RBFOX1: variants seen among roughly 807,000 people sequenced by gnomAD.
RBFOX1 encodes RNA binding fox-1 homolog 1.
In RBFOX1, 8 loss-of-function variants were observed where a neutral mutation model predicts 57.7. The ratio of observed to expected loss-of-function variants is 0.14; its 90% CI spans 0.08 to 0.25. The LOEUF (loss-of-function observed/expected upper bound fraction) is 0.25. RBFOX1 is among the 10% of genes least tolerant of loss of function. The pLI, the probability that RBFOX1 is intolerant of heterozygous loss-of-function variation, is 1.00. For missense variants in RBFOX1, 611 were observed against 548.5 expected, an observed-to-expected ratio of 1.11 and a Z score of -1.14; for synonymous variants, 326 against 222.4, an observed-to-expected ratio of 1.47 and a Z score of -4.15.
intron 1 of RBFOX1, among the ~76,000 whole-genome samples, chr16:6,080,490 G>A (rs576937942): frequency 5.9e-5 from 9 of 152,294 alleles, no homozygotes; most frequent in Non-Finnish European, 8.8e-5. Flanking sequence ...TCCTCAGGGA[G>A]CCTCAAGTCT....
Position 7,325,728 on chromosome 16 carries a change from T to C in RBFOX1, c.28-192419T>C, listed in dbSNP as rs543119386. Among the ~76,000 whole-genome samples the C allele has an allele frequency of 2.6e-5, 4 of 152,358 alleles. No individual in the cohort carries two copies. The South Asian group carries it at 8.3e-4, about 32-fold the overall frequency. ...TGGAAGCTTTTCCTATATTCCCATCTTGATAATTTGATGCGGTTGTGACTT... is the reference window on the plus strand; with the variant it reads ...TGGAAGCTTTTCCTATATTCCCATCCTGATAATTTGATGCGGTTGTGACTT... On this transcript the variant is annotated intron_variant, in intron 4 of 15. Transcript: ENST00000550418.
chr16:6,379,888 T>C (rs903023988), intron 2 of RBFOX1, among the ~76,000 whole-genome samples: 14 of 152,028 alleles, frequency 9.2e-5, no homozygotes, highest in African/African-American at 3.1e-4. Flanking sequence ...TGGGAGGCAT[T>C]TGAGCATGCG....
At chr16:7,038,017 A>G (rs1396298231) in intron 3 of RBFOX1, among the ~76,000 whole-genome samples, 1 of 152,226 alleles carries the variant, frequency 6.6e-6, no homozygotes, top group Non-Finnish European at 1.5e-5. Context: ...TAACTTGAAA[A>G]TGTCTTGAGA....
At chr16:6,434,324 C>T (rs2094177427) in intron 2 of RBFOX1, among the ~76,000 whole-genome samples, 2 of 152,086 alleles carry the variant, frequency 1.3e-5, no homozygotes, top group Admixed American at 1.3e-4. Context: ...CTTATTCCTC[C>T]TACATCTCCA....
At chr16:5,695,340 G>A (rs1266048162) in intron 3 of RBFOX1, among the ~76,000 whole-genome samples, 1 of 152,052 alleles carries the variant, frequency 6.6e-6, no homozygotes, top group East Asian at 1.9e-4. Flanking sequence ...ATTTTATAAG[G>A]AAAAGTTTTC....
intron 4 of RBFOX1, among the ~76,000 whole-genome samples, chr16:5,976,804 G>T (rs1415663977): frequency 6.6e-6 from 1 of 152,206 alleles, no homozygotes; most frequent in Non-Finnish European, 1.5e-5. Context: ...GGGAGGTGGA[G>T]GTTGCAGTGA....
intron 4 of RBFOX1, among the ~76,000 whole-genome samples, chr16:7,403,107 A>G (rs56105726): frequency 0.086 from 13,092 of 152,240 alleles, 697 homozygotes; most frequent in Non-Finnish European, 0.12. Flanking sequence ...TGGGGGTACA[A>G]TTAACAAATA....
In RBFOX1 at chr16:6,991,161, A is replaced by AAAAAAAAAAAAC. The variant is rs1271872183; in HGVS notation, c.-15-60895_-15-60894insAAAAAAAAAACA. Reference sequence around the variant, plus strand: ...CAAAAAAAAAAAAAAAAAAAAAAAAAAGACACGGTGGCGTGTACCTTTAGT... The same window carrying AAAAAAAAAAAAC: ...CAAAAAAAAAAAAAAAAAAAAAAAAAAAAAAAAAAAACAGACACGGTGGCGTGTACCTTTAGT... On this transcript the variant is annotated intron_variant, in intron 3 of 15. Coordinates refer to ENST00000550418, the MANE Select transcript of RBFOX1 (RefSeq NM_018723.4). Among the ~76,000 whole-genome samples, 87 of 139,994 alleles carry AAAAAAAAAAAAC rather than the reference A, an allele frequency of 6.2e-4. 3 individuals carry two copies. The highest frequency in any genetic ancestry group is 3.7e-3 in the Middle Eastern group (1 of 268). The allele number at this position is 139,994 out of a possible 152,430, so 91.8% of individuals were successfully genotyped here.
intron 1 of RBFOX1, among the ~76,000 whole-genome samples, chr16:6,144,787 T>C (rs2096745026): frequency 6.6e-6 from 1 of 152,184 alleles, no homozygotes; most frequent in African/African-American, 2.4e-5. Flanking sequence ...TAAAAACAGC[T>C]CAGATAGATG....
At chr16:7,685,306 C>G (rs138744291) in intron 14 of RBFOX1, among the ~76,000 whole-genome samples, 1 of 152,134 alleles carries the variant, frequency 6.6e-6, no homozygotes, top group Non-Finnish European at 1.5e-5. Context: ...TCTACTCTCC[C>G]TTCTTCAATG....
intron 2 of RBFOX1, among the ~76,000 whole-genome samples, chr16:5,524,685 C>T (rs190276464): frequency 8.5e-4 from 129 of 152,054 alleles, no homozygotes; most frequent in Non-Finnish European, 1.3e-3. Context: ...GGATTACAGA[C>T]GCATGCCACC....
intron 2 of RBFOX1, among the ~76,000 whole-genome samples, chr16:6,404,379 C>G (rs542690137): frequency 6.6e-6 from 1 of 152,238 alleles, no homozygotes; most frequent in African/African-American, 2.4e-5. Context: ...GAACCAATTT[C>G]TGTGGCTACT....
intron 4 of RBFOX1, among the ~76,000 whole-genome samples, chr16:7,158,932 T>G (rs1478118977): frequency 6.6e-6 from 1 of 152,126 alleles, no homozygotes; most frequent in East Asian, 1.9e-4. Context: ...TTATCACTTG[T>G]GTAGTTTCAT....
At chr16:5,519,766 G>C (rs1179989838) in intron 2 of RBFOX1, among the ~76,000 whole-genome samples, 1 of 152,128 alleles carries the variant, frequency 6.6e-6, no homozygotes, top group East Asian at 1.9e-4. Flanking sequence ...TGTTATTTAT[G>C]GATAAGACAG....
chr16:5,389,397 T>C (rs2066343088), intron 1 of RBFOX1, among the ~76,000 whole-genome samples: 1 of 152,120 alleles, frequency 6.6e-6, no homozygotes, highest in Non-Finnish European at 1.5e-5. Context: ...CCTCATACGA[T>C]GTTGAGCAGC....
At chr16:6,651,307 T>C (rs948179176) in intron 2 of RBFOX1, among the ~76,000 whole-genome samples, 5 of 152,304 alleles carry the variant, frequency 3.3e-5, no homozygotes, top group African/African-American at 7.2e-5. Context: ...CGGCCCCAGG[T>C]CGCCATCTTT....
intron 1 of RBFOX1, among the ~76,000 whole-genome samples, chr16:6,137,375 G>T (rs1200413846): frequency 6.6e-6 from 1 of 152,072 alleles, no homozygotes; most frequent in East Asian, 1.9e-4. Flanking sequence ...CGTGATCCCG[G>T]CTCACTGCAG....
At chr16:5,312,090 A>C (rs1407367586) in intron 1 of RBFOX1, among the ~76,000 whole-genome samples, 3 of 152,222 alleles carry the variant, frequency 2.0e-5, no homozygotes, top group Non-Finnish European at 4.4e-5. Flanking sequence ...TGTATTATGC[A>C]AAGGGTCGGT....
At chr16:6,746,396 G>C (rs372239124) in intron 3 of RBFOX1, among the ~76,000 whole-genome samples, 12 of 152,252 alleles carry the variant, frequency 7.9e-5, no homozygotes, top group African/African-American at 2.9e-4. Context: ...AAAGTGGTGC[G>C]CTGGGCATGG....
Sources: gnomAD v4.1 joint callset for allele counts (sites outside exome capture counted in the v4.1 genomes callset) on GRCh38, gnomAD v4.1.1 for gene constraint, MANE v1.5 for transcripts, NCBI Gene and HGNC (gene_info 2026-07-23, HGNC 2026-07-21) for gene names.